TBCEL: variants seen among roughly 807,000 people sequenced by gnomAD.
TBCEL encodes tubulin-specific chaperone cofactor E-like protein.
A neutral mutation model predicts 44.2 loss-of-function variants in TBCEL; 15 were observed. The observed-to-expected ratio is 0.34, with a 90% confidence interval of 0.23 to 0.52. The LOEUF (loss-of-function observed/expected upper bound fraction) is 0.52. Ranked by LOEUF, TBCEL falls within the 20% of genes least tolerant of loss-of-function variation. The probability of loss-of-function intolerance (pLI) is 0.95; values close to 1 mark genes in which losing one functional copy is unlikely to be tolerated. For synonymous variants in TBCEL, 171 were observed against 185.4 expected (o/e 0.92, Z 0.63); for missense variants, 319 against 506.3 (o/e 0.63, Z 3.55).
intron 2 of TBCEL, among the ~76,000 whole-genome samples, chr11:121,041,782 AT>A: frequency 6.6e-6 from 1 of 151,836 alleles, no homozygotes; most frequent in East Asian, 1.9e-4. Flanking sequence ...TTACCAATCC[AT>A]TTCACAATCT....
In TBCEL at chr11:121,024,199, C is replaced by T. The variant is rs1459489527; in HGVS notation, c.-218C>T. ...GGGCTGGCCGGGACCAGGCCCGAGG[C>T]TGAGCGGCGGCGACAGCGGTGGCCG... On this transcript the variant is annotated 5_prime_UTR_variant, in exon 1 of 9. Transcript: ENST00000683345. 1 of 153,276 alleles carries T rather than the reference C, an allele frequency of 6.5e-6. No homozygotes were observed. The highest frequency in any genetic ancestry group is 1.9e-4 in the East Asian group (1 of 5,216). The allele number at this position is 153,276 out of a possible 1,614,324, so 9.5% of individuals were successfully genotyped here. A position where few individuals can be genotyped will look rare whatever the true frequency, so the allele number is the denominator to read the frequency against.
At chr11:121,040,491 C>G (rs1945311764) in intron 2 of TBCEL, among the ~76,000 whole-genome samples, 1 of 152,068 alleles carries the variant, frequency 6.6e-6, no homozygotes, top group Admixed American at 6.6e-5. Flanking sequence ...ATCTCATTCC[C>G]TCTTCTTAGT....
chr11:121,049,960 T>C (rs1259275943), intron 4 of TBCEL, among the ~76,000 whole-genome samples: 2 of 151,824 alleles, frequency 1.3e-5, no homozygotes, highest in Non-Finnish European at 3.0e-5. Flanking sequence ...TGTGTATTCC[T>C]AAGTGCTCTA....
chr11:121,058,048 T>C (rs1945653569), intron 6 of TBCEL, among the ~76,000 whole-genome samples: 1 of 151,884 alleles, frequency 6.6e-6, no homozygotes, highest in South Asian at 2.1e-4. Flanking sequence ...TTGATGAAAC[T>C]ACTACCAGTG....
chr11:121,086,661 G>T, intron 8 of TBCEL, 117 bp from the exon 9 acceptor site: 1 of 780,418 alleles, frequency 1.3e-6, no homozygotes, highest in Non-Finnish European at 2.0e-6. Flanking sequence ...TCATGTGATA[G>T]AATAAGATTT....
intron 8 of TBCEL, among the ~76,000 whole-genome samples, chr11:121,067,879 C>T (rs1945849793): frequency 6.6e-6 from 1 of 152,180 alleles, no homozygotes; most frequent in Non-Finnish European, 1.5e-5. Flanking sequence ...GACCAAGAGG[C>T]ACTGGGCTTC....
chr11:121,034,997 A>T (rs1445677828), intron 1 of TBCEL, among the ~76,000 whole-genome samples: 3 of 152,198 alleles, frequency 2.0e-5, no homozygotes, highest in Non-Finnish European at 4.4e-5. Flanking sequence ...TACTGTGCCA[A>T]ATCATTAATT....
At position 121,038,561 on chromosome 11, in the gene TBCEL, C is replaced by T. The variant is rs189876170; in HGVS notation, c.-18+1949C>T. 4.7e-3 allele frequency among the ~76,000 whole-genome samples: 713 copies of T among 151,304 alleles called. 5 individuals are homozygous for T. The highest frequency in any genetic ancestry group is 0.017 in the Middle Eastern group (5 of 292). On this transcript the variant is annotated intron_variant, in intron 2 of 8. Coordinates refer to ENST00000683345, the MANE Select transcript of TBCEL (RefSeq NM_001363644.2). Reference sequence around the variant, plus strand: ...GAGATGAGGTTAGAAGAAGAGTTCACAAAGTGAAAATTTAATGGGCTTAAA... The same window carrying T: ...GAGATGAGGTTAGAAGAAGAGTTCATAAAGTGAAAATTTAATGGGCTTAAA...
intron 8 of TBCEL, among the ~76,000 whole-genome samples, chr11:121,079,591 G>A (rs866218360): frequency 6.6e-6 from 1 of 152,124 alleles, no homozygotes; most frequent in Non-Finnish European, 1.5e-5. Flanking sequence ...CCTATAAAAT[G>A]TGATGCTTAT....
At chr11:121,051,642 G>A (rs563329060) in intron 4 of TBCEL, among the ~76,000 whole-genome samples, 16 of 151,852 alleles carry the variant, frequency 1.1e-4, no homozygotes, top group Admixed American at 2.0e-4. Context: ...CCATTTGATC[G>A]CAAAAGGGAT....
intron 8 of TBCEL, among the ~76,000 whole-genome samples, chr11:121,068,315 C>T (rs574900031): frequency 6.6e-6 from 1 of 151,984 alleles, no homozygotes; most frequent in Non-Finnish European, 1.5e-5. Flanking sequence ...TTCAATTATT[C>T]CAGTTGCTCA....
chr11:121,052,365 A>G (rs1381156057), intron 4 of TBCEL, among the ~76,000 whole-genome samples: 30 of 151,854 alleles, frequency 2.0e-4, no homozygotes, highest in Admixed American at 1.9e-3. Flanking sequence ...ATTTAATCCT[A>G]CCAACAGATG....
At chr11:121,036,651 T>TC (rs1330061456) in intron 2 of TBCEL, 39 bp downstream of exon 2, 1 of 152,160 alleles carries the variant, frequency 6.6e-6, no homozygotes. Flanking sequence ...TTAATTTTTT[T>TC]CCCCTCATAT....
At chr11:121,066,172 C>A (rs918858376) in intron 8 of TBCEL, among the ~76,000 whole-genome samples, 1 of 152,224 alleles carries the variant, frequency 6.6e-6, no homozygotes, top group Admixed American at 6.5e-5. Flanking sequence ...GCTTCTGACA[C>A]TGGTCATTTT....
At chr11:121,028,701 G>A (rs1473497003) in intron 1 of TBCEL, among the ~76,000 whole-genome samples, 5 of 152,174 alleles carry the variant, frequency 3.3e-5, no homozygotes, top group Admixed American at 3.3e-4. Context: ...GGTCACCGCA[G>A]TAATAATAAA....
At chr11:121,056,163 C>T (rs1945617236) in intron 6 of TBCEL, among the ~76,000 whole-genome samples, 1 of 151,826 alleles carries the variant, frequency 6.6e-6, no homozygotes, top group Admixed American at 6.6e-5. Flanking sequence ...ATCCCGGCAA[C>T]CACTCATCTT....
At chr11:121,055,888 C>G (rs564069186) in intron 6 of TBCEL, among the ~76,000 whole-genome samples, 1 of 145,272 alleles carries the variant, frequency 6.9e-6, no homozygotes, top group South Asian at 2.1e-4. Flanking sequence ...ACAACTTCCC[C>G]CACTGTCAGT....
At chr11:121,057,638 GCA>G (rs1438055535) in intron 6 of TBCEL, 1 of 453,908 alleles carries the variant, frequency 2.2e-6, no homozygotes. Flanking sequence ...CACTGAACAT[GCA>G]CAGACTTTTT....
chr11:121,039,590 TAAAC>T (rs1945295345), intron 2 of TBCEL, among the ~76,000 whole-genome samples: 1 of 152,176 alleles, frequency 6.6e-6, no homozygotes, highest in Non-Finnish European at 1.5e-5. Flanking sequence ...ATGGGGGAAA[TAAAC>T]CTAATTGGGA....
Sources: allele counts gnomAD v4.1 joint callset (sites outside exome capture counted in the v4.1 genomes callset), GRCh38; gene constraint gnomAD v4.1.1; transcripts MANE v1.5; gene names NCBI Gene and HGNC (gene_info 2026-07-23, HGNC 2026-07-21).